Variants in HMBOX1 observed in about 807,000 individuals in gnomAD.
The protein encoded by HMBOX1 is homeobox-containing protein 1.
A neutral mutation model predicts 54.5 loss-of-function variants in HMBOX1; 14 were observed. The observed-to-expected ratio is 0.26, with a 90% CI of 0.17 to 0.40. The LOEUF (loss-of-function observed/expected upper bound fraction) is 0.40. HMBOX1 is among the 10% of genes least tolerant of loss of function. HMBOX1 has a pLI of 1.00. For missense variants in HMBOX1, 332 were observed against 514.4 expected, an observed-to-expected ratio of 0.65 and a Z score of 3.43; for synonymous variants, 160 against 181.0, an observed-to-expected ratio of 0.88 and a Z score of 0.93.
chr8:29,006,793 C>T (rs1181507104), intron 4 of HMBOX1, among the ~76,000 whole-genome samples: 1 of 152,060 alleles, frequency 6.6e-6, no homozygotes, highest in Non-Finnish European at 1.5e-5. Context: ...GAGGCTTGTT[C>T]TATGTATGAT....
chr8:29,002,449 G>C (rs561580901), intron 4 of HMBOX1, among the ~76,000 whole-genome samples: 4 of 152,152 alleles, frequency 2.6e-5, no homozygotes, highest in Admixed American at 2.0e-4. Flanking sequence ...TGTTGGAGGG[G>C]ATTACACAAA....
Position 29,051,827 on chromosome 8 carries a change from C to G in HMBOX1, c.*672C>G. 2.6e-6 allele frequency: 1 copy of G among 380,034 alleles called. No homozygotes were observed. Among genetic ancestry groups the G allele is most frequent in the South Asian group, 5.5e-5 (1 of 18,062 alleles). 23.5% of individuals were successfully genotyped at this position (380,034 alleles called of 1,614,324 possible). On this transcript the variant is annotated 3_prime_UTR_variant, in exon 10 of 10. Transcript: ENST00000287701. Reference sequence around the variant, plus strand: ...TCCTTTCCTCTCACAAGCTGTGTGACTTAGTAGATAAAATACTGCCTTCTG... The same window carrying G: ...TCCTTTCCTCTCACAAGCTGTGTGAGTTAGTAGATAAAATACTGCCTTCTG...
At chr8:28,956,179 A>G (rs1824399772) in intron 1 of HMBOX1, among the ~76,000 whole-genome samples, 1 of 152,058 alleles carries the variant, frequency 6.6e-6, no homozygotes, top group Non-Finnish European at 1.5e-5. Context: ...ATGTCTGTTA[A>G]ATTTTTACTG....
chr8:29,009,831 T>A, intron 5 of HMBOX1: 3 of 1,218,798 alleles, frequency 2.5e-6, no homozygotes, highest in Non-Finnish European at 3.1e-6. Flanking sequence ...GGTGATTTTA[T>A]AAAGTGAAAT....
intron 5 of HMBOX1, among the ~76,000 whole-genome samples, chr8:29,013,141 T>C (rs1834427579): frequency 6.6e-6 from 1 of 152,108 alleles, no homozygotes; most frequent in Admixed American, 6.5e-5. Flanking sequence ...TGAAGTCCTT[T>C]TGTTGTTGTT....
intron 1 of HMBOX1, among the ~76,000 whole-genome samples, chr8:28,936,790 C>T (rs1418963205): frequency 1.4e-5 from 2 of 141,902 alleles, no homozygotes; most frequent in African/African-American, 5.4e-5. Flanking sequence ...GGCCACTGAA[C>T]CAGAGGGTTA....
At chr8:28,922,843 C>T (rs957826060) in intron 1 of HMBOX1, among the ~76,000 whole-genome samples, 9 of 152,060 alleles carry the variant, frequency 5.9e-5, no homozygotes, top group Non-Finnish European at 2.9e-5. Flanking sequence ...ACTTTTGTGG[C>T]ATAATAATAG....
rs531046357 is a variant in HMBOX1 at position 28,936,271 on chromosome 8, T to C, written c.-57-27540T>C. On this transcript the variant is annotated intron_variant, in intron 1 of 9. Coordinates refer to ENST00000287701, the MANE Select transcript of HMBOX1 (RefSeq NM_001135726.3). ...AACATGGGTGTAATCACATTTTTTTTCTCAGAAGAACTGCTCACACTGTTA... is the reference window on the plus strand; with the variant it reads ...AACATGGGTGTAATCACATTTTTTTCCTCAGAAGAACTGCTCACACTGTTA... 2.6e-5 allele frequency among the ~76,000 whole-genome samples: 4 copies of C among 152,198 alleles called. No individual in the cohort carries two copies. The South Asian group carries it at 8.3e-4, about 31-fold the overall frequency.
chr8:29,047,511 T>C (rs1805743186), intron 8 of HMBOX1, 58 bp downstream of exon 8: 1 of 850,302 alleles, frequency 1.2e-6, no homozygotes, highest in Non-Finnish European at 2.0e-6. Context: ...GTCATGTTTA[T>C]ATTAAGATTA....
intron 1 of HMBOX1, among the ~76,000 whole-genome samples, chr8:28,930,859 T>A (rs187805109): frequency 3.3e-5 from 5 of 152,318 alleles, no homozygotes; most frequent in Non-Finnish European, 7.4e-5. Flanking sequence ...ATTGTTTGAT[T>A]TGTGTTAACT....
At chr8:28,996,742 A>T (rs1831917837) in intron 4 of HMBOX1, among the ~76,000 whole-genome samples, 1 of 152,214 alleles carries the variant, frequency 6.6e-6, no homozygotes, top group African/African-American at 2.4e-5. Context: ...TTTAGCTCTT[A>T]CATTTGCATC....
chr8:28,926,941 A>G (rs925351698), intron 1 of HMBOX1, among the ~76,000 whole-genome samples: 1 of 152,220 alleles, frequency 6.6e-6, no homozygotes, highest in African/African-American at 2.4e-5. Context: ...CACATGATCC[A>G]TTCAAAAAAT....
intron 4 of HMBOX1, among the ~76,000 whole-genome samples, chr8:29,004,958 T>G (rs946163319): frequency 5.3e-5 from 8 of 152,224 alleles, no homozygotes; most frequent in Non-Finnish European, 1.0e-4. Context: ...CGTGTCCTTT[T>G]ATGCTTTTAT....
intron 4 of HMBOX1, among the ~76,000 whole-genome samples, chr8:28,992,372 T>C (rs2132616031): frequency 6.6e-6 from 1 of 152,308 alleles, no homozygotes; most frequent in East Asian, 1.9e-4. Flanking sequence ...ACCATTATAA[T>C]TGCTTAATTT....
intron 1 of HMBOX1, among the ~76,000 whole-genome samples, chr8:28,934,436 A>C (rs542583011): frequency 6.6e-6 from 1 of 152,218 alleles, no homozygotes; most frequent in Admixed American, 6.5e-5. Flanking sequence ...TACTACTGCT[A>C]TTCATAATAT....
chr8:28,905,685 C>T (rs1563360113), intron 1 of HMBOX1, among the ~76,000 whole-genome samples: 1 of 152,166 alleles, frequency 6.6e-6, no homozygotes, highest in Admixed American at 6.5e-5. Flanking sequence ...TTTGTGTATG[C>T]TTCAAGGGCT....
intron 1 of HMBOX1, among the ~76,000 whole-genome samples, chr8:28,924,254 C>T (rs1278344122): frequency 6.6e-6 from 1 of 151,002 alleles, no homozygotes; most frequent in African/African-American, 2.4e-5. Flanking sequence ...CTACAGGTGC[C>T]CGCCACCACG....
intron 2 of HMBOX1, among the ~76,000 whole-genome samples, chr8:28,965,834 T>C (rs1032885119): frequency 6.6e-6 from 1 of 152,200 alleles, no homozygotes; most frequent in African/African-American, 2.4e-5. Context: ...AACTCACATA[T>C]GCAGTTTGAC....
Position 29,009,101 on chromosome 8 carries a change from C to T in HMBOX1, c.616C>T (p.Leu206=), listed in dbSNP as rs1291607436. The change falls in exon 5 of 10, where the codon CTG becomes TTG. Residue 206 remains leucine (L), a synonymous_variant. Transcript: ENST00000287701. Reference sequence around the variant, plus strand: ...CAGTCAGAGCCGGATCTCTCATTGGCTGTTGCAGCAGGGATCAGACCTGAG... The same window carrying T: ...CAGTCAGAGCCGGATCTCTCATTGGTTGTTGCAGCAGGGATCAGACCTGAG... ...GISQSRISHW[L]LQQGSDLSEQ... is the part of the protein sequence containing the mutation. 6.2e-7 allele frequency: 1 copy of T among 1,613,488 alleles called. No homozygotes were observed. The highest frequency in any genetic ancestry group is 1.1e-5 in the South Asian group (1 of 91,072).
Sources: allele counts gnomAD v4.1 joint callset (sites outside exome capture counted in the v4.1 genomes callset), GRCh38; gene constraint gnomAD v4.1.1; transcripts MANE v1.5; gene names NCBI Gene and HGNC (gene_info 2026-07-23, HGNC 2026-07-21).